The following LITAF variants were observed in gnomAD, a reference collection of about 807,000 sequenced individuals.
LITAF encodes lipopolysaccharide-induced tumor necrosis factor-alpha factor.
Under a neutral mutation model 14.5 loss-of-function variants are expected in LITAF, and 9 were observed. That is an observed-to-expected ratio of 0.62 (90% CI 0.37 to 1.08). The LOEUF (loss-of-function observed/expected upper bound fraction) is 1.08. LITAF is among the 50% of genes least tolerant of loss of function. The pLI is 0.01. For missense variants in LITAF, 206 were observed against 213.4 expected (o/e 0.97, Z 0.22); for synonymous variants, 98 against 88.2 (o/e 1.11, Z -0.62).
At chr16:11,588,176 G>C (rs1182523961), upstream of LITAF, among the ~76,000 whole-genome samples, 1 of 152,134 alleles carries the variant, frequency 6.6e-6, no homozygotes, top group Non-Finnish European at 1.5e-5. Flanking sequence ...GATGTTATTA[G>C]TGTGGGCAAC....
Position 11,626,347 on chromosome 16 carries a change from T to A in LITAF, c.85+7186A>T, listed in dbSNP as rs117815325. On this transcript the variant is annotated intron_variant, in intron 3 of 3. Coordinates refer to the LITAF transcript ENST00000574848. ...GCTCATACCACCATGCTCTGCTAAT[T>A]TTTGTAATTTTTTTTTAAGACAGTC... Among the ~76,000 whole-genome samples the A allele has an allele frequency of 7.9e-5, 12 of 151,688 alleles. No homozygotes were observed. In the East Asian group the frequency reaches 1.9e-3, roughly 25 times the overall value.
At chr16:11,620,398 G>A (rs886523820) in intron 3 of LITAF, among the ~76,000 whole-genome samples, 48 of 152,126 alleles carry the variant, frequency 3.2e-4, no homozygotes, top group African/African-American at 1.1e-3. Context: ...TTCGCCGTGG[G>A]ACATGCCTGT....
intron 1 of LITAF, among the ~76,000 whole-genome samples, chr16:11,593,764 A>G (rs1334631821): frequency 6.6e-6 from 1 of 152,254 alleles, no homozygotes; most frequent in Non-Finnish European, 1.5e-5. Flanking sequence ...CCACATATCT[A>G]TTATTCCATT....
At chr16:11,591,544 G>C (rs1016602768), upstream of LITAF, among the ~76,000 whole-genome samples, 1 of 150,388 alleles carries the variant, frequency 6.6e-6, no homozygotes, top group African/African-American at 2.5e-5. Context: ...TGTGGTTCTG[G>C]CATAAGAATA....
upstream of LITAF, among the ~76,000 whole-genome samples, chr16:11,603,442 C>T (rs925684085): frequency 1.2e-4 from 19 of 152,188 alleles, no homozygotes; most frequent in African/African-American, 4.3e-4. Context: ...GTCTTCCACG[C>T]GCCCTTCTCT....
chr16:11,604,460 T>G (rs1190511094), intron 3 of LITAF, among the ~76,000 whole-genome samples: 1 of 152,052 alleles, frequency 6.6e-6, no homozygotes, highest in African/African-American at 2.4e-5. Context: ...AGTTGGAAAG[T>G]CCATGGTGAG....
intron 1 of LITAF, among the ~76,000 whole-genome samples, chr16:11,567,418 TG>T (rs1474410915): frequency 6.9e-6 from 1 of 144,460 alleles, no homozygotes; most frequent in Non-Finnish European, 1.5e-5. Context: ...AGACTCCGTC[TG>T]GAAAAAAAAA....
rs868092285 is a variant in LITAF at position 11,605,871 on chromosome 16, C to T, written c.85+27662G>A. Among the ~76,000 whole-genome samples the T allele has an allele frequency of 2.6e-5, 4 of 152,176 alleles. No individual in the cohort carries two copies. The highest frequency in any genetic ancestry group is 9.7e-5 in the African/African-American group (4 of 41,436). The stretch of plus-strand genomic sequence containing the variant: ...CAGGAGGTAGGTTCCACTGTTCCCA[C>T]GGAAACTTATCAATAGCTGCCTCTT... On this transcript the variant is annotated intron_variant, in intron 3 of 3. Transcript: ENST00000574848. The surrounding 1 kb of genome is among the most constrained non-coding windows in gnomAD (Gnocchi z 4.7).
chr16:11,589,523 G>A (rs1337450886), upstream of LITAF, among the ~76,000 whole-genome samples: 2 of 151,692 alleles, frequency 1.3e-5, no homozygotes, highest in South Asian at 2.1e-4. Context: ...GATCCTATAT[G>A]TAAGAACCCT....
rs1358916272 is a variant in LITAF at position 11,618,070 on chromosome 16, C to CT, written c.85+15462dup. ...ATTTTTTTGTTCGAAGAGATGGGGT[C>CT]TCACTATGTTGCCCAAGCTGGTCTC... On this transcript the variant is annotated intron_variant, in intron 3 of 3. Transcript: ENST00000574848. Among the ~76,000 whole-genome samples the CT allele has an allele frequency of 2.6e-5, 4 of 152,214 alleles. No homozygotes were observed. The East Asian group carries it at 7.7e-4, about 29-fold the overall frequency.
intron 2 of LITAF, among the ~76,000 whole-genome samples, chr16:11,633,936 T>A (rs1384848703): frequency 6.6e-6 from 1 of 152,162 alleles, no homozygotes; most frequent in African/African-American, 2.4e-5. Context: ...AATTGATGCA[T>A]GGATAGCACC....
chr16:11,566,651 G>C (rs1409360991), intron 1 of LITAF, among the ~76,000 whole-genome samples: 2 of 152,190 alleles, frequency 1.3e-5, no homozygotes, highest in Non-Finnish European at 2.9e-5. Context: ...TATAGTCCCA[G>C]CTACTCGGAG....
chr16:11,599,736 C>T (rs1447899176), upstream of LITAF, among the ~76,000 whole-genome samples: 1 of 152,138 alleles, frequency 6.6e-6, no homozygotes, highest in African/African-American at 2.4e-5. Flanking sequence ...AAAACATCTT[C>T]CACTCTGCTC....
upstream of LITAF, among the ~76,000 whole-genome samples, chr16:11,636,971 G>C (rs752094513): frequency 1.3e-5 from 2 of 151,906 alleles, no homozygotes; most frequent in Non-Finnish European, 2.9e-5. Flanking sequence ...CCAGGTTCCA[G>C]TGATTCTCCT....
At chr16:11,589,896 T>C (rs2064837646), upstream of LITAF, among the ~76,000 whole-genome samples, 1 of 150,600 alleles carries the variant, frequency 6.6e-6, no homozygotes, top group African/African-American at 2.5e-5. Flanking sequence ...AGTGCTGGGA[T>C]TACAGGTGTG....
At position 11,551,664 on chromosome 16, in the gene LITAF, C is replaced by CA. The variant is rs57186247; in HGVS notation, c.377+1868dup. Reference sequence around the variant, plus strand: ...AGTAAAACCCCTGCTTCCACACACACAAAAAAAAAATTTAAAAATTAGCTA... The same window carrying CA: ...AGTAAAACCCCTGCTTCCACACACACAAAAAAAAAAATTTAAAAATTAGCTA... On this transcript the variant is annotated intron_variant, in intron 3 of 3. Coordinates refer to ENST00000622633, the MANE Select transcript of LITAF (RefSeq NM_001136472.2). 9.2e-3 allele frequency: 5,068 copies of CA among 549,476 alleles called. 70 individuals are homozygous for CA. The highest frequency in any genetic ancestry group is 0.056 in the African/African-American group (2,742 of 49,196). The allele number at this position is 549,476 out of a possible 1,614,324, so 34.0% of individuals were successfully genotyped here.
At chr16:11,577,273 T>C (rs1482757364) in intron 1 of LITAF, among the ~76,000 whole-genome samples, 2 of 151,884 alleles carry the variant, frequency 1.3e-5, no homozygotes, top group Non-Finnish European at 2.9e-5. Flanking sequence ...ATCTATCCCA[T>C]CTATGACAGG....
chr16:11,562,213 G>A (rs2064378777), intron 1 of LITAF, among the ~76,000 whole-genome samples: 1 of 148,972 alleles, frequency 6.7e-6, no homozygotes. Flanking sequence ...GAGCCACCGT[G>A]CCCTGCCTCT....
At chr16:11,581,419 G>T (rs1212925808) in intron 1 of LITAF, among the ~76,000 whole-genome samples, 1 of 152,152 alleles carries the variant, frequency 6.6e-6, no homozygotes, top group African/African-American at 2.4e-5. Context: ...GGCCAAGATG[G>T]ATGGATCACT....
Sources: allele counts gnomAD v4.1 joint callset (sites outside exome capture counted in the v4.1 genomes callset), GRCh38; gene constraint gnomAD v4.1.1; non-coding constraint Gnocchi (gnomAD v3.1); transcripts MANE v1.5; gene names NCBI Gene and HGNC (gene_info 2026-07-23, HGNC 2026-07-21).